Variants in MTREX observed in about 807,000 individuals in gnomAD.
MTREX encodes the protein Mtr4 exosome RNA helicase.
In MTREX, 76 loss-of-function variants were observed where a neutral mutation model predicts 135.4. The observed-to-expected ratio is 0.56, with a 90% CI of 0.47 to 0.68. MTREX has a LOEUF of 0.68. MTREX is among the 30% of genes least tolerant of loss of function. The pLI is 0.00. For synonymous variants in MTREX, 404 were observed against 401.6 expected, an observed-to-expected ratio of 1.01 and a Z score of -0.07; for missense variants, 920 against 1,262.1, an observed-to-expected ratio of 0.73 and a Z score of 4.11.
chr5:55,345,355 A>G (rs76124390), intron 10 of MTREX, among the ~76,000 whole-genome samples, 159 bp downstream of exon 10: 6 of 152,172 alleles, frequency 3.9e-5, no homozygotes, highest in Admixed American at 6.5e-5. Context: ...TATGACATTA[A>G]GTATAATTTA....
chr5:55,339,168 G>A (rs1749603267), intron 5 of MTREX, among the ~76,000 whole-genome samples: 1 of 152,020 alleles, frequency 6.6e-6, no homozygotes, highest in South Asian at 2.1e-4. Flanking sequence ...TCTTGTGACT[G>A]CTTCTTTTTT....
At chr5:55,390,482 G>T (rs748662971) in intron 19 of MTREX, among the ~76,000 whole-genome samples, 2 of 152,168 alleles carry the variant, frequency 1.3e-5, no homozygotes, top group Non-Finnish European at 2.9e-5. Context: ...CTTAGAGTGT[G>T]TGTGTGTCTG....
chr5:55,334,346 G>C (rs1370214804), intron 5 of MTREX, among the ~76,000 whole-genome samples: 1 of 152,018 alleles, frequency 6.6e-6, no homozygotes, highest in Non-Finnish European at 1.5e-5. Context: ...TCAGTAAAAA[G>C]TAAACCTGAT....
chr5:55,359,950 A>C (rs557525985), intron 15 of MTREX, among the ~76,000 whole-genome samples: 1 of 152,198 alleles, frequency 6.6e-6, no homozygotes, highest in Non-Finnish European at 1.5e-5. Flanking sequence ...TTATTGAGCT[A>C]TAATTCACAT....
rs138813911 is a variant in MTREX at position 55,416,106 on chromosome 5, T to G, written c.2945T>G (p.Ile982Ser). The change falls in exon 25 of 27, where the codon ATC becomes AGC. Residue 982 changes from isoleucine to serine, a missense_variant. Physicochemically the swap from Ile to Ser is moderately radical, Grantham distance 142. Coordinates refer to ENST00000230640, the MANE Select transcript of MTREX (RefSeq NM_015360.5). ...TWATGATFAH[I>S]CKMTDVFEGS... ...GCAACTGGAGCTACATTTGCCCATA[T>G]CTGCAAAATGACAGATGTCTTTGAA... The G allele has an allele frequency of 2.5e-6, 4 of 1,587,610 alleles. No homozygotes were observed. The African/African-American group carries it at 5.5e-5, about 22-fold the overall frequency.
chr5:55,425,357 G>C lies in MTREX; in HGVS notation c.*585G>C, dbSNP rs373714517. The C allele has an allele frequency of 3.2e-6, 5 of 1,558,726 alleles. No individual in the cohort carries two copies. Among genetic ancestry groups the C allele is most frequent in the Non-Finnish European group, 4.4e-6 (5 of 1,144,020 alleles). Reference sequence around the variant, plus strand: ...AGCCTACAGTGCAAAATATTTAATGGTATAATTTAGATCAAGTTAAAAACT... The same window carrying C: ...AGCCTACAGTGCAAAATATTTAATGCTATAATTTAGATCAAGTTAAAAACT... On this transcript the variant is annotated 3_prime_UTR_variant, in exon 27 of 27. Transcript: ENST00000230640.
intron 6 of MTREX, among the ~76,000 whole-genome samples, chr5:55,340,540 A>G (rs1030966794): frequency 7.2e-5 from 11 of 152,282 alleles, no homozygotes; most frequent in South Asian, 2.1e-4. Flanking sequence ...GCCGTCTTCT[A>G]TATCTGAGTG....
At chr5:55,314,682 A>G (rs568438099) in intron 1 of MTREX, among the ~76,000 whole-genome samples, 202 of 152,314 alleles carry the variant, frequency 1.3e-3, no homozygotes, top group Non-Finnish European at 2.4e-3. Flanking sequence ...TTTCTTTCTG[A>G]ACTATAAAAC....
At chr5:55,412,634 G>T (rs146527702) in intron 23 of MTREX, among the ~76,000 whole-genome samples, 289 of 152,306 alleles carry the variant, frequency 1.9e-3, no homozygotes, top group Non-Finnish European at 2.8e-3. Flanking sequence ...CACTAATGAA[G>T]TGAAACTTAT....
chr5:55,410,114 G>A (rs1357552681), intron 22 of MTREX, among the ~76,000 whole-genome samples: 1 of 152,012 alleles, frequency 6.6e-6, no homozygotes, highest in African/African-American at 2.4e-5. Context: ...CTTCTTATGA[G>A]TACATTCTAA....
chr5:55,322,585 C>A, intron 2 of MTREX, 121 bp downstream of exon 2: 1 of 697,844 alleles, frequency 1.4e-6, no homozygotes, highest in Non-Finnish European at 2.2e-6. Context: ...TGAAGATATT[C>A]TTTCTATTTT....
At chr5:55,345,570 C>T (rs1305878699) in intron 10 of MTREX, among the ~76,000 whole-genome samples, 1 of 151,916 alleles carries the variant, frequency 6.6e-6, no homozygotes, top group African/African-American at 2.4e-5. Flanking sequence ...AGCCTGTTTT[C>T]GATCTCTGTG....
chr5:55,358,484 GTTATAAATT>G, intron 14 of MTREX, 80 bp from the exon 15 acceptor site: 1 of 1,118,062 alleles, frequency 8.9e-7, no homozygotes, highest in Non-Finnish European at 1.3e-6. Context: ...TTTATAACTT[GTTATAAATT>G]TTATAAAAAG....
rs77830852 is a variant in MTREX at position 55,395,504 on chromosome 5, G to C, written c.2182-1912G>C. 1.4e-3 allele frequency among the ~76,000 whole-genome samples: 206 copies of C among 152,318 alleles called. 2 individuals carry two copies. The East Asian group carries it at 0.037, about 27-fold the overall frequency. ...ACTATGGCAAGAATCATCCGTGGAT[G>C]CTGAAACTGGCAAACTGAAAGTTTA... On this transcript the variant is annotated intron_variant, in intron 19 of 26. Coordinates refer to ENST00000230640, the MANE Select transcript of MTREX (RefSeq NM_015360.5).
chr5:55,419,010 A>C (rs1211221306), intron 25 of MTREX, among the ~76,000 whole-genome samples: 1 of 152,074 alleles, frequency 6.6e-6, no homozygotes. Flanking sequence ...TGCCCAGCTA[A>C]TTTTTGTTAA....
chr5:55,321,942 CA>C (rs2112030940), intron 1 of MTREX, among the ~76,000 whole-genome samples: 1 of 152,120 alleles, frequency 6.6e-6, no homozygotes, highest in East Asian at 1.9e-4. Context: ...TTTTGACCAG[CA>C]AATCTAATCA....
chr5:55,423,091 T>G (rs1170389582), intron 26 of MTREX, 109 bp downstream of exon 26: 4 of 774,894 alleles, frequency 5.2e-6, no homozygotes, highest in Non-Finnish European at 8.7e-6. Context: ...CTTCACTGCA[T>G]TGTCATGGAG....
At chr5:55,366,681 T>C (rs748981177) in intron 15 of MTREX, 44 bp from the exon 16 acceptor site, 60 of 1,456,408 alleles carry the variant, frequency 4.1e-5, no homozygotes, top group Non-Finnish European at 5.2e-5. Context: ...CTTGTGTAAA[T>C]TTATTTGGAA....
At chr5:55,401,273 T>A (rs1750719905) in intron 21 of MTREX, among the ~76,000 whole-genome samples, 1 of 152,172 alleles carries the variant, frequency 6.6e-6, no homozygotes, top group Admixed American at 6.5e-5. Flanking sequence ...GACCTCATAT[T>A]ATCCACTTGC....
Sources: gnomAD v4.1 joint callset for allele counts (sites outside exome capture counted in the v4.1 genomes callset) on GRCh38, gnomAD v4.1.1 for gene constraint, MANE v1.5 for transcripts, NCBI Gene and HGNC (gene_info 2026-07-23, HGNC 2026-07-21) for gene names.